RIPOR3: variants seen among roughly 807,000 people sequenced by gnomAD.
The protein encoded by RIPOR3 is family with sequence similarity 65 member C.
RIPOR3 carries 95 observed loss-of-function variants against 114.3 expected under a neutral mutation model. That is an observed-to-expected ratio of 0.83 (90% CI 0.70 to 0.99). The LOEUF (loss-of-function observed/expected upper bound fraction) is 0.99, where lower values mean the gene tolerates loss of function less well. Ranked by LOEUF, RIPOR3 falls within the 50% of genes least tolerant of loss-of-function variation. The pLI, the probability that RIPOR3 is intolerant of heterozygous loss-of-function variation, is 0.00. For synonymous variants in RIPOR3, 575 were observed against 543.8 expected (o/e 1.06, Z -0.80); for missense variants, 1,252 against 1,266.9 (o/e 0.99, Z 0.18).
In RIPOR3 at chr20:50,594,495, C is replaced by T. The variant is rs528462806; in HGVS notation, c.2212+58G>A. 25 of 1,574,554 alleles carry T rather than the reference C, an allele frequency of 1.6e-5. No homozygotes were observed. In the African/African-American group the frequency reaches 2.6e-4, roughly 16 times the overall value. ...GCCAGCTGTGGCCACCCTGAAGGCC[C>T]TGGAGACTCAATACAGCCTTTCTGT... On this transcript the variant is annotated intron_variant, in intron 17 of 21. Transcript: ENST00000327979.
chr20:50,609,539 C>T, intron 7 of RIPOR3, 34 bp downstream of exon 7: 2 of 1,429,658 alleles, frequency 1.4e-6, no homozygotes, highest in Non-Finnish European at 1.8e-6. Context: ...GCTCTTGCTG[C>T]CCCTGCTGCC....
chr20:50,669,054 A>C lies in RIPOR3; in HGVS notation c.3+22072T>G, dbSNP rs139683291. On this transcript the variant is annotated intron_variant, in intron 1 of 21. Transcript: ENST00000327979. ...CATGCACACACACGCATGCACATGC[A>C]CACTCACATATACATTATACACATA... Among the ~76,000 whole-genome samples the C allele has an allele frequency of 4.1e-3, 617 of 152,232 alleles. 4 individuals are homozygous for C. The highest frequency in any genetic ancestry group is 0.014 in the African/African-American group (561 of 41,526).
intron 1 of RIPOR3, among the ~76,000 whole-genome samples, chr20:50,686,603 G>A (rs1013977812): frequency 3.3e-5 from 5 of 151,814 alleles, no homozygotes; most frequent in African/African-American, 1.2e-4. Flanking sequence ...ACAACAATTA[G>A]CCAGGTGTGG....
intron 1 of RIPOR3, among the ~76,000 whole-genome samples, chr20:50,671,428 G>GCACACACACACA (rs1160861232): frequency 1.0e-4 from 4 of 38,160 alleles, no homozygotes; most frequent in African/African-American, 2.5e-4. Context: ...ACGCGCGCGC[G>GCACACACACACA]CACACACACA....
chr20:50,643,247 A>G (rs34378726), intron 1 of RIPOR3, among the ~76,000 whole-genome samples: 50,278 of 150,154 alleles, frequency 0.33, 9,503 homozygotes, highest in African/African-American at 0.51. Flanking sequence ...TCAGCCTCCC[A>G]AGTAGCTAGG....
At chr20:50,587,983 C>T (rs1601426895) in intron 20 of RIPOR3, 91 bp from the exon 21 acceptor site, 4 of 1,233,296 alleles carry the variant, frequency 3.2e-6, no homozygotes. Context: ...CCAGTCCTAG[C>T]ATGGTCTCTG....
At chr20:50,599,413 AG>A (rs927803870) in intron 13 of RIPOR3, among the ~76,000 whole-genome samples, 4 of 152,034 alleles carry the variant, frequency 2.6e-5, no homozygotes, top group Non-Finnish European at 5.9e-5. Flanking sequence ...GAAAAAAAAA[AG>A]CTATTTTTGA....
intron 3 of RIPOR3, among the ~76,000 whole-genome samples, chr20:50,618,301 A>G (rs75887073): frequency 7.1e-6 from 1 of 139,966 alleles, no homozygotes; most frequent in Non-Finnish European, 1.6e-5. Context: ...AAAAAAAAAA[A>G]GGCGTAAGTA....
chr20:50,649,327 C>G (rs1281906843), intron 1 of RIPOR3, among the ~76,000 whole-genome samples: 1 of 152,184 alleles, frequency 6.6e-6, no homozygotes, highest in Non-Finnish European at 1.5e-5. Flanking sequence ...TACCTGTAAT[C>G]CCAGCTACTC....
chr20:50,689,456 G>A (rs955205208), intron 1 of RIPOR3, among the ~76,000 whole-genome samples: 5 of 152,134 alleles, frequency 3.3e-5, no homozygotes, highest in African/African-American at 7.2e-5. Context: ...GATTACAGGC[G>A]TGAGCCACCG....
rs533516606 is a variant in RIPOR3 at position 50,594,783 on chromosome 20, T to C, written c.2051-69A>G. The C allele has an allele frequency of 1.4e-4, 209 of 1,537,226 alleles. 2 individuals carry two copies. In the South Asian group the frequency reaches 2.2e-3, roughly 16 times the overall value. ...GCACATGACAAGGACCCGAAAGGTT[T>C]CCCTCCACTAGGACCTGAGGGGGTA... On this transcript the variant is annotated intron_variant, in intron 16 of 21. Coordinates refer to ENST00000327979, the MANE Select transcript of RIPOR3 (RefSeq NM_001290268.2).
chr20:50,668,963 T>C (rs1001536842), intron 1 of RIPOR3, among the ~76,000 whole-genome samples: 2 of 151,866 alleles, frequency 1.3e-5, no homozygotes, highest in Non-Finnish European at 2.9e-5. Context: ...CACATGCCCA[T>C]GCATGTATGT....
chr20:50,607,934 A>G (rs2083783897), intron 11 of RIPOR3, among the ~76,000 whole-genome samples: 1 of 152,202 alleles, frequency 6.6e-6, no homozygotes, highest in Non-Finnish European at 1.5e-5. Context: ...ATGGGCATGC[A>G]GTCCAGGGAG....
chr20:50,671,037 C>T (rs955642820), intron 1 of RIPOR3, among the ~76,000 whole-genome samples: 3 of 152,230 alleles, frequency 2.0e-5, no homozygotes, highest in African/African-American at 7.2e-5. Context: ...AAGTGATTCT[C>T]CTGCCTCAGC....
chr20:50,689,110 C>G (rs13038248), intron 1 of RIPOR3, among the ~76,000 whole-genome samples: 20,383 of 151,988 alleles, frequency 0.13, 1,438 homozygotes, highest in East Asian at 0.22. Context: ...TTCCCGCCTC[C>G]TCCAGTACCA....
In RIPOR3 at chr20:50,610,841, G is replaced by A. The variant is rs1369618399; in HGVS notation, c.426+12C>T. ...CCCCACCCCACCCTGCAACATCCAC[G>A]AGCCAGCTGACCTTGCTGATGTGAA... On this transcript the variant is annotated intron_variant, in intron 6 of 21. Coordinates refer to ENST00000327979, the MANE Select transcript of RIPOR3 (RefSeq NM_001290268.2). 1.2e-6 allele frequency: 2 copies of A among 1,614,028 alleles called. No individual in the cohort carries two copies. The highest frequency in any genetic ancestry group is 1.3e-5 in the African/African-American group (1 of 74,912).
At chr20:50,650,026 C>T (rs774079393) in intron 1 of RIPOR3, among the ~76,000 whole-genome samples, 8 of 151,998 alleles carry the variant, frequency 5.3e-5, no homozygotes, top group Non-Finnish European at 1.2e-4. Context: ...GCTGGTGGGT[C>T]GGGGAGTGGG....
rs184219283 is a variant in RIPOR3, at chr20:50,632,138, C to T, written c.4-1282G>A. On this transcript the variant is annotated intron_variant, in intron 1 of 21. Transcript: ENST00000327979. ...TCTACTACTGCACCTCCTGGCAGAT[C>T]TGTGCAGCCTCCACAAGCCTCCTCC... Among the ~76,000 whole-genome samples, 9 of 152,264 alleles carry T rather than the reference C, an allele frequency of 5.9e-5. No individual in the cohort carries two copies. The East Asian group carries it at 1.7e-3, about 29-fold the overall frequency.
intron 1 of RIPOR3, among the ~76,000 whole-genome samples, chr20:50,641,212 ACTT>A (rs1380231217): frequency 1.3e-5 from 2 of 149,534 alleles, no homozygotes; most frequent in Admixed American, 6.7e-5. Flanking sequence ...CGTCCGGCTC[ACTT>A]CTTTTTTTTT....
Sources: gnomAD v4.1 joint callset for allele counts (sites outside exome capture counted in the v4.1 genomes callset) on GRCh38, gnomAD v4.1.1 for gene constraint, MANE v1.5 for transcripts, NCBI Gene and HGNC (gene_info 2026-07-23, HGNC 2026-07-21) for gene names.